PPIG: variants seen among roughly 807,000 people sequenced by gnomAD.
PPIG encodes the protein peptidyl-prolyl cis-trans isomerase G.
In PPIG, 26 loss-of-function variants were observed where a neutral mutation model predicts 87.9. The ratio of observed to expected loss-of-function variants is 0.30; its 90% CI spans 0.22 to 0.41. The LOEUF (loss-of-function observed/expected upper bound fraction) is 0.41, where lower values mean the gene tolerates loss of function less well. Among genes scored for constraint, PPIG ranks in the 10% least tolerant of loss-of-function variants. PPIG has a pLI of 1.00. For synonymous variants in PPIG, 308 were observed against 276.5 expected (o/e 1.11, Z -1.13); for missense variants, 722 against 879.4 (o/e 0.82, Z 2.26).
intron 7 of PPIG, among the ~76,000 whole-genome samples, chr2:169,613,666 T>C (rs1028566114): frequency 1.8e-4 from 28 of 152,266 alleles, no homozygotes; most frequent in Admixed American, 1.4e-3. Context: ...CAATGACTCA[T>C]ACTTGTAATC....
chr2:169,596,482 A>T (rs147682293), intron 1 of PPIG, among the ~76,000 whole-genome samples: 45 of 152,312 alleles, frequency 3.0e-4, no homozygotes, highest in African/African-American at 1.0e-3. Context: ...ATGGTGCCAG[A>T]AGTAATGCCA....
chr2:169,625,455 G>T (rs1016837512), intron 9 of PPIG, among the ~76,000 whole-genome samples: 3 of 152,052 alleles, frequency 2.0e-5, no homozygotes, highest in Admixed American at 6.5e-5. Context: ...AGGATAAGTT[G>T]CCCTACACCC....
intron 12 of PPIG, among the ~76,000 whole-genome samples, chr2:169,635,824 G>A (rs1028983085): frequency 1.3e-5 from 2 of 152,154 alleles, no homozygotes; most frequent in African/African-American, 4.8e-5. Flanking sequence ...TTTGCAACAT[G>A]ACAACTTAAG....
intron 1 of PPIG, among the ~76,000 whole-genome samples, chr2:169,587,094 G>A (rs1366432296): frequency 6.6e-6 from 1 of 151,540 alleles, no homozygotes; most frequent in Non-Finnish European, 1.5e-5. Context: ...CCACCACACC[G>A]GGTAATTTTT....
At chr2:169,598,204 G>T (rs1311384264) in intron 1 of PPIG, among the ~76,000 whole-genome samples, 1 of 152,002 alleles carries the variant, frequency 6.6e-6, no homozygotes, top group African/African-American at 2.4e-5. Context: ...TTGCCATGTT[G>T]CCCAGGCTGG....
At chr2:169,631,454 T>G (rs1558901270) in intron 10 of PPIG, 1 of 584,442 alleles carries the variant, frequency 1.7e-6, no homozygotes, top group Non-Finnish European at 2.4e-6. Flanking sequence ...GCAGTTAATT[T>G]CTTTACCCAT....
chr2:169,627,686 C>T (rs1162924154), intron 9 of PPIG, among the ~76,000 whole-genome samples: 1 of 148,702 alleles, frequency 6.7e-6, no homozygotes, highest in Non-Finnish European at 1.5e-5. Flanking sequence ...GAAGCCATGC[C>T]CCTAGCCAGT....
intron 1 of PPIG, among the ~76,000 whole-genome samples, chr2:169,585,337 C>T (rs1164579539): frequency 2.8e-5 from 4 of 143,056 alleles, no homozygotes; most frequent in Non-Finnish European, 3.0e-5. Flanking sequence ...TCTTGGCTCA[C>T]TGCAACCTCC....
intron 7 of PPIG, among the ~76,000 whole-genome samples, chr2:169,610,010 CAAAA>C (rs565355186): frequency 6.4e-4 from 97 of 152,134 alleles, no homozygotes; most frequent in Non-Finnish European, 1.0e-3. Flanking sequence ...ATTCCAACTA[CAAAA>C]AAAATTATGA....
Position 169,636,585 on chromosome 2 carries a change from G to C in PPIG, c.1327G>C (p.Glu443Gln). 6.3e-7 allele frequency: 1 copy of C among 1,597,050 alleles called. No homozygotes were observed. Among genetic ancestry groups the C allele is most frequent in the Non-Finnish European group, 8.5e-7 (1 of 1,175,846 alleles). Reference protein sequence around the residue: ...SKERDIRRNSEKDDKYKNKVK... With the variant: ...SKERDIRRNSQKDDKYKNKVK... ...AGAGAGAGACATCAGAAGAAATTCAGAAAAAGATGACAAGTATAAAAACAA... is the reference window on the plus strand; with the variant it reads ...AGAGAGAGACATCAGAAGAAATTCACAAAAAGATGACAAGTATAAAAACAA... The change falls in exon 14 of 14, where the codon GAA becomes CAA. Residue 443 changes from glutamate to glutamine, a missense_variant. By Grantham distance (29) the Glu-to-Gln change is conservative. Coordinates refer to ENST00000260970, the MANE Select transcript of PPIG (RefSeq NM_004792.3).
intron 1 of PPIG, among the ~76,000 whole-genome samples, chr2:169,602,049 A>G (rs917907675): frequency 1.3e-5 from 2 of 152,216 alleles, no homozygotes; most frequent in African/African-American, 4.8e-5. Flanking sequence ...AATTTCACAC[A>G]TAAGTACTTA....
intron 9 of PPIG, among the ~76,000 whole-genome samples, chr2:169,625,403 C>A (rs901227519): frequency 6.6e-6 from 1 of 152,112 alleles, no homozygotes; most frequent in African/African-American, 2.4e-5. Flanking sequence ...TTGCAGAGGT[C>A]ATGCATTTGT....
intron 9 of PPIG, among the ~76,000 whole-genome samples, chr2:169,624,780 T>C (rs571014388): frequency 9.9e-4 from 150 of 152,088 alleles, no homozygotes; most frequent in Admixed American, 2.6e-4. Flanking sequence ...TTAGTAGAGA[T>C]GGGGTTTCAC....
chr2:169,624,425 T>C (rs1296012309), intron 9 of PPIG, among the ~76,000 whole-genome samples: 2 of 152,216 alleles, frequency 1.3e-5, no homozygotes, highest in East Asian at 3.8e-4. Flanking sequence ...ATGGCCCAAG[T>C]TGAAAGTGTT....
intron 1 of PPIG, among the ~76,000 whole-genome samples, chr2:169,590,055 G>C (rs1474340963): frequency 2.0e-5 from 3 of 151,520 alleles, no homozygotes; most frequent in African/African-American, 7.3e-5. Flanking sequence ...GTTGTGGTGA[G>C]CTGAGATTGC....
Position 169,638,131 on chromosome 2 carries a change from C to T in PPIG, c.*608C>T, listed in dbSNP as rs1686232547. ...TAGCTTGTTTCCTATTAATGCTTTT[C>T]CTGTCTAGTTGTGTTTTACTTAACT... On this transcript the variant is annotated 3_prime_UTR_variant, in exon 14 of 14. Coordinates refer to ENST00000260970, the MANE Select transcript of PPIG (RefSeq NM_004792.3). 1 of 151,966 alleles carries T rather than the reference C, an allele frequency of 6.6e-6. No homozygotes were observed. The highest frequency in any genetic ancestry group is 2.4e-5 in the African/African-American group (1 of 41,402). The allele number at this position is 151,966 out of a possible 1,614,324, so 9.4% of individuals were successfully genotyped here.
At chr2:169,615,192 G>A (rs1372422071) in intron 9 of PPIG, among the ~76,000 whole-genome samples, 1 of 152,098 alleles carries the variant, frequency 6.6e-6, no homozygotes, top group East Asian at 1.9e-4. Context: ...GGGACTACAA[G>A]CGCCCACCAC....
At chr2:169,591,203 G>C (rs1283017518) in intron 1 of PPIG, among the ~76,000 whole-genome samples, 1 of 152,028 alleles carries the variant, frequency 6.6e-6, no homozygotes, top group Non-Finnish European at 1.5e-5. Context: ...TTTTCATTTA[G>C]TCATGTTATT....
Position 169,604,068 on chromosome 2 carries a change from A to G in PPIG, c.27A>G (p.Arg9=), listed in dbSNP as rs142411293. The G allele has an allele frequency of 6.2e-7, 1 of 1,613,794 alleles. No individual in the cohort carries two copies. The change falls in exon 3 of 14, where the codon CGA becomes CGG. Residue 9 remains arginine, a synonymous_variant. Coordinates refer to ENST00000260970, the MANE Select transcript of PPIG (RefSeq NM_004792.3). The part of the protein sequence containing the change: MGIKVQRP[R]CFFDIAINNQ... ...TGGGAATAAAGGTTCAACGTCCTCG[A>G]TGTTTTTTTGACATTGCCATTAACA...
Sources: allele counts gnomAD v4.1 joint callset (sites outside exome capture counted in the v4.1 genomes callset), GRCh38; gene constraint gnomAD v4.1.1; transcripts MANE v1.5; gene names NCBI Gene and HGNC (gene_info 2026-07-23, HGNC 2026-07-21).